The following IFT122 variants were observed in gnomAD, a reference collection of about 807,000 sequenced individuals.
The protein encoded by IFT122 is intraflagellar transport protein 122 homolog.
A neutral mutation model predicts 161.6 loss-of-function variants in IFT122; 118 were observed. The ratio of observed to expected loss-of-function variants is 0.73; its 90% CI spans 0.63 to 0.85. The LOEUF (loss-of-function observed/expected upper bound fraction) is 0.85, where lower values mean the gene tolerates loss of function less well. Ranked by LOEUF, IFT122 falls within the 40% of genes least tolerant of loss-of-function variation. The pLI, the probability that IFT122 is intolerant of heterozygous loss-of-function variation, is 0.00. For synonymous variants in IFT122, 550 were observed against 602.4 expected, an observed-to-expected ratio of 0.91 and a Z score of 1.27; for missense variants, 1,381 against 1,579.6, an observed-to-expected ratio of 0.87 and a Z score of 2.13.
intron 3 of IFT122, among the ~76,000 whole-genome samples, chr3:129,457,353 C>T (rs1260173663): frequency 6.6e-6 from 1 of 152,198 alleles, no homozygotes; most frequent in East Asian, 1.9e-4. Context: ...GGATAAAGAG[C>T]AAGGCCTCTG....
At position 129,514,490 on chromosome 3, in the gene IFT122, G is replaced by C; in HGVS notation, c.3089G>C (p.Arg1030Thr). The C allele has an allele frequency of 6.2e-7, 1 of 1,614,238 alleles. No individual in the cohort carries two copies. The highest frequency in any genetic ancestry group is 2.2e-5 in the East Asian group (1 of 44,890). ...DKLRGLYIPA[R>T]FQKSIELGTL... ...CTGCGTGGCCTGTACATCCCTGCCA[G>C]ATTCCAAAAGTCCATTGAGCTGGGT... is the stretch of plus-strand genomic sequence containing the variant. Residue 1030 changes from arginine (R) to threonine (T), a missense_variant, in exon 25 of 30, where the codon AGA becomes ACA. By Grantham distance (71) the Arg-to-Thr change is moderately conservative. Transcript: ENST00000348417.
At chr3:129,472,838 C>G (rs1479441171) in intron 9 of IFT122, among the ~76,000 whole-genome samples, 1 of 152,166 alleles carries the variant, frequency 6.6e-6, no homozygotes, top group African/African-American at 2.4e-5. Context: ...TTCATTGACT[C>G]TTCTGCAACT....
intron 26 of IFT122, among the ~76,000 whole-genome samples, chr3:129,516,991 A>ACACACACACACAGACTGCCCCTG (rs2083925418): frequency 8.3e-6 from 1 of 120,038 alleles, no homozygotes; most frequent in African/African-American, 3.2e-5. Flanking sequence ...CTGCCCCTGC[A>ACACACACACACAGACTGCCCCTG]CACACACACA....
At chr3:129,496,656 T>C (rs961282059) in intron 18 of IFT122, among the ~76,000 whole-genome samples, 9 of 152,174 alleles carry the variant, frequency 5.9e-5, no homozygotes, top group Non-Finnish European at 1.0e-4. Flanking sequence ...CCAGGACCTA[T>C]TGTTCATCAG....
intron 16 of IFT122, among the ~76,000 whole-genome samples, chr3:129,489,073 C>T (rs2079694487): frequency 6.6e-6 from 1 of 152,178 alleles, no homozygotes; most frequent in African/African-American, 2.4e-5. Flanking sequence ...GAAGGAATGG[C>T]TTCCAACCTC....
chr3:129,444,555 C>T (rs186211205), intron 1 of IFT122, among the ~76,000 whole-genome samples: 9 of 152,072 alleles, frequency 5.9e-5, no homozygotes, highest in Admixed American at 2.0e-4. Context: ...CAGAGTCTCG[C>T]TCTGTTGCCA....
chr3:129,490,207 T>C (rs1288682757), intron 16 of IFT122, among the ~76,000 whole-genome samples: 1 of 152,170 alleles, frequency 6.6e-6, no homozygotes, highest in African/African-American at 2.4e-5. Context: ...TATATATCTA[T>C]TGTGTACAAC....
intron 12 of IFT122, among the ~76,000 whole-genome samples, chr3:129,479,247 A>G (rs192828615): frequency 1.3e-4 from 17 of 135,372 alleles, no homozygotes; most frequent in Middle Eastern, 3.7e-3. Context: ...CAGAGACCCC[A>G]TCTCCACCAA....
rs2074714341 is a variant in IFT122 at position 129,450,801 on chromosome 3, A to G, written c.108+864A>G. On this transcript the variant is annotated intron_variant, in intron 2 of 29. Coordinates refer to ENST00000348417, the MANE Select transcript of IFT122 (RefSeq NM_052989.3). Reference sequence around the variant, plus strand: ...AGTGACGCGATCTCGGCTTACTGCAAGCTCCACCTCCCGGGTTCACACCAT... The same window carrying G: ...AGTGACGCGATCTCGGCTTACTGCAGGCTCCACCTCCCGGGTTCACACCAT... 2.7e-5 allele frequency among the ~76,000 whole-genome samples: 4 copies of G among 148,390 alleles called. No individual in the cohort carries two copies. The East Asian group carries it at 8.0e-4, about 30-fold the overall frequency.
At chr3:129,491,073 G>C (rs2080024908) in intron 16 of IFT122, among the ~76,000 whole-genome samples, 1 of 152,216 alleles carries the variant, frequency 6.6e-6, no homozygotes, top group African/African-American at 2.4e-5. Flanking sequence ...TGTGGAGGGG[G>C]ACAGGGGCCG....
At chr3:129,517,268 G>GCACACACACACACACACACACA (rs777108020) in intron 26 of IFT122, among the ~76,000 whole-genome samples, 25 of 117,112 alleles carry the variant, frequency 2.1e-4, no homozygotes, top group African/African-American at 7.7e-4. Flanking sequence ...CATTGCTCCT[G>GCACACACACACACACACACACA]CACACACACA....
In IFT122 at chr3:129,454,662, T is replaced by TG. The variant is rs533756705; in HGVS notation, c.193+2667dup. Among the ~76,000 whole-genome samples the TG allele has an allele frequency of 5.9e-5, 9 of 152,006 alleles. No homozygotes were observed. In the South Asian group the frequency reaches 1.7e-3, roughly 28 times the overall value. On this transcript the variant is annotated intron_variant, in intron 3 of 29. Transcript: ENST00000348417. ...TCATCCTAGTGGCTGTTGAGGAATG[T>TG]GGGTCAGTCCAGGGCCCAGTATAAG...
chr3:129,453,538 A>G lies in IFT122; in HGVS notation c.193+1540A>G, dbSNP rs191507056. Among the ~76,000 whole-genome samples the G allele has an allele frequency of 4.0e-3, 602 of 152,184 alleles. 2 individuals are homozygous for G. The highest frequency in any genetic ancestry group is 0.013 in the African/African-American group (543 of 41,440). Reference sequence around the variant, plus strand: ...TTTTTCTCCAGCGATTTTGAGCTGCATAGTTGTAGAGGCAGAAGAGGTGAA... The same window carrying G: ...TTTTTCTCCAGCGATTTTGAGCTGCGTAGTTGTAGAGGCAGAAGAGGTGAA... On this transcript the variant is annotated intron_variant, in intron 3 of 29. Coordinates refer to ENST00000348417, the MANE Select transcript of IFT122 (RefSeq NM_052989.3).
rs556357888 is a variant in IFT122 at position 129,456,882 on chromosome 3, C to T, written c.194-1717C>T. ...GGTGAGCCGAGATCGTGCCACTGCACTATAGCCTGGGCAACAGAGTGAGAC... is the reference window on the plus strand; with the variant it reads ...GGTGAGCCGAGATCGTGCCACTGCATTATAGCCTGGGCAACAGAGTGAGAC... On this transcript the variant is annotated intron_variant, in intron 3 of 29. Transcript: ENST00000348417. 3.3e-5 allele frequency among the ~76,000 whole-genome samples: 5 copies of T among 152,292 alleles called. No homozygotes were observed. The South Asian group carries it at 6.2e-4, about 19-fold the overall frequency.
intron 21 of IFT122, among the ~76,000 whole-genome samples, chr3:129,504,800 G>A (rs1398043441): frequency 2.0e-5 from 3 of 152,158 alleles, no homozygotes; most frequent in African/African-American, 7.2e-5. Context: ...GGGTAAAGAG[G>A]TGAAGAAATT....
intron 1 of IFT122, 151 bp downstream of exon 1, chr3:129,440,522 C>A: frequency 1.1e-6 from 1 of 938,192 alleles, no homozygotes; most frequent in Non-Finnish European, 1.6e-6. Context: ...GTCGCCCTCC[C>A]GCCCCTTGGC....
chr3:129,505,861 G>A (rs1017703274), intron 21 of IFT122, among the ~76,000 whole-genome samples: 1 of 152,228 alleles, frequency 6.6e-6, no homozygotes, highest in African/African-American at 2.4e-5. Context: ...GAGGACTTGA[G>A]TTGGGCTTGG....
intron 2 of IFT122, among the ~76,000 whole-genome samples, chr3:129,451,012 G>C (rs1314994927): frequency 6.6e-6 from 1 of 152,130 alleles, no homozygotes; most frequent in African/African-American, 2.4e-5. Context: ...GAGCCACCGC[G>C]CCCGGCCAGA....
At chr3:129,490,038 T>G (rs1325235892) in intron 16 of IFT122, among the ~76,000 whole-genome samples, 1 of 151,904 alleles carries the variant, frequency 6.6e-6, no homozygotes, top group Non-Finnish European at 1.5e-5. Context: ...ATATATTTGT[T>G]TAAATATTGA....
Sources: gnomAD v4.1 joint callset for allele counts (sites outside exome capture counted in the v4.1 genomes callset) on GRCh38, gnomAD v4.1.1 for gene constraint, MANE v1.5 for transcripts, NCBI Gene and HGNC (gene_info 2026-07-23, HGNC 2026-07-21) for gene names.